Variants in PARK7 observed in about 807,000 individuals in gnomAD.
PARK7 encodes Parkinson disease protein 7.
Under a neutral mutation model 20.5 loss-of-function variants are expected in PARK7, and 14 were observed. The ratio of observed to expected loss-of-function variants is 0.68; its 90% CI spans 0.45 to 1.07. PARK7 has a LOEUF of 1.07. Among genes scored for constraint, PARK7 ranks in the 50% least tolerant of loss-of-function variants. The pLI, the probability that PARK7 is intolerant of heterozygous loss-of-function variation, is 0.00. For synonymous variants in PARK7, 98 were observed against 84.3 expected, an observed-to-expected ratio of 1.16 and a Z score of -0.89; for missense variants, 234 against 238.1, an observed-to-expected ratio of 0.98 and a Z score of 0.11.
chr1:7,965,241 C>T (rs1254742780), intron 2 of PARK7, 83 bp from the exon 3 acceptor site: 2 of 1,313,088 alleles, frequency 1.5e-6, no homozygotes, highest in East Asian at 2.3e-5. Context: ...GACCCCATCT[C>T]TCTTTTTTCT....
rs912273403 is a variant in PARK7, at chr1:7,984,558, A to G, written c.410-336A>G. On this transcript the variant is annotated intron_variant, in intron 6 of 6. Coordinates refer to ENST00000338639, the MANE Select transcript of PARK7 (RefSeq NM_007262.5). This position sits in a 1 kb window ranked among gnomAD's most constrained non-coding sequence, Gnocchi z 4.3. ...CCGCATCCCTTCACCCTTCCCCGGCACTTCAGAATTGACACTTGAGCTTTG... is the reference window on the plus strand; with the variant it reads ...CCGCATCCCTTCACCCTTCCCCGGCGCTTCAGAATTGACACTTGAGCTTTG... 3.3e-5 allele frequency among the ~76,000 whole-genome samples: 5 copies of G among 152,202 alleles called. No homozygotes were observed. The highest frequency in any genetic ancestry group is 6.5e-5 in the Admixed American group (1 of 15,272).
At chr1:7,971,550 C>G (rs1306836566) in intron 5 of PARK7, 1 of 155,816 alleles carries the variant, frequency 6.4e-6, no homozygotes, top group Non-Finnish European at 1.4e-5. Flanking sequence ...ATTCTTGTTG[C>G]TTTCCTATCA....
chr1:7,965,498 T>C, intron 3 of PARK7, 73 bp downstream of exon 3: 6 of 1,322,004 alleles, frequency 4.5e-6, no homozygotes, highest in Non-Finnish European at 6.6e-6. Context: ...AGAGTGTTGT[T>C]AGCACAGACT....
At chr1:7,966,842 T>A (rs1315540940) in intron 3 of PARK7, among the ~76,000 whole-genome samples, 1 of 152,236 alleles carries the variant, frequency 6.6e-6, no homozygotes, top group Non-Finnish European at 1.5e-5. Context: ...TCATGGGATT[T>A]GTGATGTTTC....
intron 6 of PARK7, among the ~76,000 whole-genome samples, chr1:7,983,520 G>A (rs1640754838): frequency 6.6e-6 from 1 of 152,252 alleles, no homozygotes; most frequent in Non-Finnish European, 1.5e-5. Flanking sequence ...TACCCAGAGA[G>A]CAGGTTCCTT....
intron 5 of PARK7, chr1:7,971,244 A>G: frequency 2.2e-6 from 1 of 461,480 alleles, no homozygotes; most frequent in Non-Finnish European, 4.0e-6. Flanking sequence ...AATTCAGTAA[A>G]CAGCTTGTTA....
intron 5 of PARK7, among the ~76,000 whole-genome samples, chr1:7,977,150 C>T (rs1640600825): frequency 6.6e-6 from 1 of 152,130 alleles, no homozygotes; most frequent in Non-Finnish European, 1.5e-5. Flanking sequence ...AGAAGTTGAG[C>T]CCGCCCCAGT....
At chr1:7,980,909 T>C (rs226256) in intron 6 of PARK7, among the ~76,000 whole-genome samples, 43,792 of 151,996 alleles carry the variant, frequency 0.29, 7,837 homozygotes, top group Non-Finnish European at 0.41. Flanking sequence ...GGTCTCACTA[T>C]GTTGCCCAAG....
At chr1:7,982,854 T>C (rs1202523103) in intron 6 of PARK7, 1 of 152,266 alleles carries the variant, frequency 6.6e-6, no homozygotes, top group African/African-American at 2.4e-5. Context: ...TCATTTATTT[T>C]GGTGGGTGAC....
chr1:7,966,270 G>C (rs1433286857), intron 3 of PARK7, among the ~76,000 whole-genome samples: 31 of 152,046 alleles, frequency 2.0e-4, no homozygotes. Flanking sequence ...CCTGGGCCGA[G>C]CTGTCCTCAG....
At chr1:7,970,459 AGAGGCCAGGGT>A (rs572007928) in intron 4 of PARK7, among the ~76,000 whole-genome samples, 50 of 152,288 alleles carry the variant, frequency 3.3e-4, no homozygotes, top group African/African-American at 1.2e-3. Context: ...GTGAGGAGTC[AGAGGCCAGGGT>A]GAGGGGCACA....
At chr1:7,981,184 T>C (rs1640702207) in intron 6 of PARK7, among the ~76,000 whole-genome samples, 1 of 152,210 alleles carries the variant, frequency 6.6e-6, no homozygotes, top group Non-Finnish European at 1.5e-5. Context: ...GCTTCCCCAC[T>C]CACTGTGGGA....
intron 5 of PARK7, among the ~76,000 whole-genome samples, chr1:7,977,215 G>A (rs2151436233): frequency 6.6e-6 from 1 of 152,242 alleles, no homozygotes; most frequent in East Asian, 1.9e-4. Context: ...CTGGGGATGG[G>A]GAAGGTGAGA....
intron 6 of PARK7, chr1:7,983,127 G>T (rs1640745047): frequency 6.6e-6 from 1 of 152,214 alleles, no homozygotes; most frequent in Non-Finnish European, 1.5e-5. Context: ...GTTTTCAGAT[G>T]AATTTTTCTG....
chr1:7,968,963 A>G (rs1439918940), intron 3 of PARK7: 1 of 174,758 alleles, frequency 5.7e-6, no homozygotes, highest in African/African-American at 2.4e-5. Flanking sequence ...ATTAGCAACT[A>G]GAGTGTCTTC....
chr1:7,967,329 A>G (rs1578093571), intron 3 of PARK7, among the ~76,000 whole-genome samples: 1 of 152,172 alleles, frequency 6.6e-6, no homozygotes, highest in African/African-American at 2.4e-5. Context: ...TGTTGGACCT[A>G]GGTTGATTTC....
In PARK7 at chr1:7,965,384, G is replaced by A; in HGVS notation, c.151G>A (p.Val51Ile). 6.2e-7 allele frequency: 1 copy of A among 1,614,198 alleles called. No individual in the cohort carries two copies. Among genetic ancestry groups the A allele is most frequent in the East Asian group, 2.2e-5 (1 of 44,884 alleles). ...CCCAGTACAGTGTAGCCGTGATGTG[G>A]TCATTTGTCCTGATGCCAGCCTTGA... ...KDPVQCSRDV[V>I]ICPDASLEDA... Residue 51 changes from valine to isoleucine, a missense_variant, in exon 3 of 7, where the codon GTC becomes ATC. By Grantham distance (29) the Val-to-Ile change is conservative. Transcript: ENST00000338639.
chr1:7,963,311 G>A (rs1640249126), intron 2 of PARK7, among the ~76,000 whole-genome samples: 1 of 151,446 alleles, frequency 6.6e-6, no homozygotes, highest in African/African-American at 2.4e-5. Flanking sequence ...TTGTCCACCC[G>A]CCTCAGGCCT....
intron 3 of PARK7, among the ~76,000 whole-genome samples, chr1:7,968,909 T>G (rs540767012): frequency 1.2e-4 from 18 of 152,338 alleles, no homozygotes; most frequent in Middle Eastern, 6.8e-3. Flanking sequence ...AAATGTTAAA[T>G]GTCCTGTTCT....
Sources: gnomAD v4.1 joint callset for allele counts (sites outside exome capture counted in the v4.1 genomes callset) on GRCh38, gnomAD v4.1.1 for gene constraint, Gnocchi (gnomAD v3.1) non-coding constraint, MANE v1.5 for transcripts, NCBI Gene and HGNC (gene_info 2026-07-23, HGNC 2026-07-21) for gene names.